The following SESN3 variants were observed in gnomAD, a reference collection of about 807,000 sequenced individuals.
The protein encoded by SESN3 is sestrin 3.
A neutral mutation model predicts 55.3 loss-of-function variants in SESN3; 21 were observed. That is an observed-to-expected ratio of 0.38 (90% CI 0.27 to 0.55). The LOEUF is 0.55. SESN3 is among the 20% of genes least tolerant of loss of function. SESN3 has a pLI of 0.76. For missense variants in SESN3, 408 were observed against 604.3 expected, an observed-to-expected ratio of 0.68 and a Z score of 3.41; for synonymous variants, 181 against 203.1, an observed-to-expected ratio of 0.89 and a Z score of 0.93.
intron 3 of SESN3, among the ~76,000 whole-genome samples, 167 bp downstream of exon 3, chr11:95,191,237 A>C (rs1860262245): frequency 6.6e-6 from 1 of 152,078 alleles, no homozygotes; most frequent in South Asian, 2.1e-4. Flanking sequence ...AACATATTCC[A>C]AATATACCCA....
At chr11:95,198,123 C>G (rs1216204007) in intron 1 of SESN3, among the ~76,000 whole-genome samples, 1 of 152,042 alleles carries the variant, frequency 6.6e-6, no homozygotes, top group Non-Finnish European at 1.5e-5. Flanking sequence ...CTGTCTTTTA[C>G]CAACTAAATC....
At chr11:95,196,006 T>C (rs1172656301) in intron 1 of SESN3, among the ~76,000 whole-genome samples, 2 of 152,162 alleles carry the variant, frequency 1.3e-5, no homozygotes, top group Admixed American at 1.3e-4. Context: ...TTGAGGGTGA[T>C]GTAGACCCTG....
rs1208753679 is a variant in SESN3 at position 95,166,263 on chromosome 11, G to A, written c.*6992C>T. On this transcript the variant is annotated 3_prime_UTR_variant, in exon 10 of 10. Transcript: ENST00000536441. ...TTACATTAGTCCAGTCACGTGCTTC[G>A]TAAAAAAAAAAAAAAAATTACAGTA... 2 of 130,614 alleles carry A rather than the reference G, an allele frequency of 1.5e-5. No homozygotes were observed. The highest frequency in any genetic ancestry group is 2.7e-5 in the African/African-American group (1 of 37,628). 8.1% of individuals were successfully genotyped at this position (130,614 alleles called of 1,614,324 possible). A position where few individuals can be genotyped will look rare whatever the true frequency, so the allele number is the denominator to read the frequency against.
At chr11:95,206,382 A>G (rs1315888142) in intron 1 of SESN3, among the ~76,000 whole-genome samples, 4 of 151,046 alleles carry the variant, frequency 2.6e-5, no homozygotes, top group South Asian at 4.2e-4. Context: ...ACACACACAC[A>G]CACACACACA....
Position 95,168,512 on chromosome 11 carries a change from C to T in SESN3, c.*4743G>A, listed in dbSNP as rs1347928395. ...ATTACTGAACAACAGTGAGTGAATC[C>T]ATGAAAAGGTTGGATACTCTGAATT... is the stretch of plus-strand genomic sequence containing the variant. On this transcript the variant is annotated 3_prime_UTR_variant, in exon 10 of 10. Transcript: ENST00000536441. 6.6e-6 allele frequency: 1 copy of T among 151,938 alleles called. No individual in the cohort carries two copies. Among genetic ancestry groups the T allele is most frequent in the Non-Finnish European group, 1.5e-5 (1 of 67,984 alleles). The allele number at this position is 151,938 out of a possible 1,614,324, so 9.4% of individuals were successfully genotyped here. A position where few individuals can be genotyped will look rare whatever the true frequency, so the allele number is the denominator to read the frequency against.
intron 1 of SESN3, among the ~76,000 whole-genome samples, chr11:95,201,701 C>A (rs567651945): frequency 6.6e-6 from 1 of 152,110 alleles, no homozygotes; most frequent in East Asian, 1.9e-4. Flanking sequence ...TTAAGCTACA[C>A]CATTAGCACT....
intron 1 of SESN3, among the ~76,000 whole-genome samples, chr11:95,195,190 GATTT>G (rs943582904): frequency 2.0e-5 from 3 of 151,968 alleles, no homozygotes; most frequent in Middle Eastern, 3.2e-3. Flanking sequence ...AACAAAAAAT[GATTT>G]ATTAAATTTG....
chr11:95,197,230 A>G (rs953139440), intron 1 of SESN3, among the ~76,000 whole-genome samples: 11 of 152,056 alleles, frequency 7.2e-5, no homozygotes, highest in Non-Finnish European at 1.0e-4. Flanking sequence ...CTTCTCACAT[A>G]ACTGAAATTT....
intron 1 of SESN3, among the ~76,000 whole-genome samples, chr11:95,229,068 C>G (rs1254514167): frequency 6.6e-6 from 1 of 152,174 alleles, no homozygotes; most frequent in South Asian, 2.1e-4. Flanking sequence ...AAAGTCAATA[C>G]AGTGCTCTTT....
chr11:95,191,671 T>G, intron 2 of SESN3, 70 bp from the exon 3 acceptor site: 1 of 1,147,664 alleles, frequency 8.7e-7, no homozygotes, highest in Non-Finnish European at 1.3e-6. Flanking sequence ...AAATAAATTA[T>G]GCCACTATTG....
chr11:95,204,297 A>C (rs1860508819), intron 1 of SESN3, among the ~76,000 whole-genome samples: 1 of 152,198 alleles, frequency 6.6e-6, no homozygotes. Flanking sequence ...CCTGAGATAA[A>C]TAGGCATTTA....
At chr11:95,216,359 G>A (rs113892393) in intron 1 of SESN3, among the ~76,000 whole-genome samples, 195 of 152,244 alleles carry the variant, frequency 1.3e-3, no homozygotes, top group African/African-American at 4.6e-3. Context: ...GGTTAGGACT[G>A]CTAGAGGACA....
At chr11:95,179,331 T>G (rs1860018854) in intron 6 of SESN3, among the ~76,000 whole-genome samples, 1 of 152,144 alleles carries the variant, frequency 6.6e-6, no homozygotes, top group African/African-American at 2.4e-5. Flanking sequence ...ATTTTTTGTA[T>G]TTTTAGTAGA....
At chr11:95,185,057 A>G (rs947412295) in intron 5 of SESN3, among the ~76,000 whole-genome samples, 199 bp downstream of exon 5, 4 of 152,044 alleles carry the variant, frequency 2.6e-5, no homozygotes, top group African/African-American at 7.2e-5. Context: ...TATGATTTGC[A>G]GTAATATGTA....
chr11:95,210,661 AT>A (rs1264550016), intron 1 of SESN3, among the ~76,000 whole-genome samples: 1 of 152,228 alleles, frequency 6.6e-6, no homozygotes, highest in Non-Finnish European at 1.5e-5. Flanking sequence ...AACTGTGAGC[AT>A]TTTGCATTCT....
chr11:95,209,002 A>G (rs1484107306), intron 1 of SESN3, among the ~76,000 whole-genome samples: 1 of 151,616 alleles, frequency 6.6e-6, no homozygotes, highest in African/African-American at 2.4e-5. Flanking sequence ...TTCAGGACAC[A>G]GGCATGGGCA....
chr11:95,213,979 G>A (rs945357901), intron 1 of SESN3, among the ~76,000 whole-genome samples: 1 of 152,142 alleles, frequency 6.6e-6, no homozygotes, highest in Admixed American at 6.5e-5. Flanking sequence ...AACCAGTCAT[G>A]CAATAACTGA....
Position 95,172,404 on chromosome 11 carries a change from A to G in SESN3, c.*851T>C, listed in dbSNP as rs925377744. 6.6e-6 allele frequency: 1 copy of G among 152,216 alleles called. No homozygotes were observed. Among genetic ancestry groups the G allele is most frequent in the Non-Finnish European group, 1.5e-5 (1 of 68,016 alleles). The allele number at this position is 152,216 out of a possible 1,614,324, so 9.4% of individuals were successfully genotyped here. ...TGTGGGTACAGGTTTATATGTGCCA[A>G]CTAAATGAACTGTAAGCAGCACTGT... On this transcript the variant is annotated 3_prime_UTR_variant, in exon 10 of 10. Coordinates refer to ENST00000536441, the MANE Select transcript of SESN3 (RefSeq NM_144665.4).
chr11:95,190,405 T>A (rs1860244635), intron 3 of SESN3, among the ~76,000 whole-genome samples: 1 of 151,944 alleles, frequency 6.6e-6, no homozygotes, highest in Non-Finnish European at 1.5e-5. Flanking sequence ...TTTGTACACA[T>A]CTTCCTACTC....
Sources: gnomAD v4.1 joint callset for allele counts (sites outside exome capture counted in the v4.1 genomes callset) on GRCh38, gnomAD v4.1.1 for gene constraint, MANE v1.5 for transcripts, NCBI Gene and HGNC (gene_info 2026-07-23, HGNC 2026-07-21) for gene names.